Variants in VCAN observed in about 807,000 individuals in gnomAD.
VCAN encodes versican, also known as versican core protein.
VCAN carries 44 observed loss-of-function variants against 245.5 expected under a neutral mutation model. The observed-to-expected ratio is 0.18, with a 90% CI of 0.14 to 0.23. The LOEUF (loss-of-function observed/expected upper bound fraction) is 0.23, where lower values mean the gene tolerates loss of function less well. Among genes scored for constraint, VCAN ranks in the 10% least tolerant of loss-of-function variants. The pLI, the probability that VCAN is intolerant of heterozygous loss-of-function variation, is 1.00. For synonymous variants in VCAN, 1,413 were observed against 1,437.0 expected, an observed-to-expected ratio of 0.98 and a Z score of 0.38; for missense variants, 3,793 against 4,057.9, an observed-to-expected ratio of 0.93 and a Z score of 1.77.
rs1303871160 is a variant in VCAN at position 83,581,841 on chromosome 5, A to G, written c.*1407A>G. The stretch of plus-strand genomic sequence containing the variant: ...CTTATCCACTTAATTTAATGTTTAA[A>G]GAAAAACCTGTAATGGAAAGTAAGA... On this transcript the variant is annotated 3_prime_UTR_variant, in exon 15 of 15. Coordinates refer to ENST00000265077, the MANE Select transcript of VCAN (RefSeq NM_004385.5). 2 of 152,174 alleles carry G rather than the reference A, an allele frequency of 1.3e-5. No individual in the cohort carries two copies. The highest frequency in any genetic ancestry group is 4.8e-5 in the African/African-American group (2 of 41,448). The allele number at this position is 152,174 out of a possible 1,614,324, so 9.4% of individuals were successfully genotyped here. A position where few individuals can be genotyped will look rare whatever the true frequency, so the allele number is the denominator to read the frequency against.
chr5:83,548,770 A>G (rs187008869), intron 10 of VCAN, among the ~76,000 whole-genome samples: 2 of 152,318 alleles, frequency 1.3e-5, no homozygotes, highest in Non-Finnish European at 2.9e-5. Flanking sequence ...GATTTCCTCT[A>G]CTTAAACTCG....
At position 83,580,651 on chromosome 5, in the gene VCAN, A is replaced by G; in HGVS notation, c.*217A>G. The stretch of plus-strand genomic sequence containing the variant: ...TGAAAGAAAATGAGAGCAGAAAGTA[A>G]GCATTTCCAGCCTATCTAATTTCTT... On this transcript the variant is annotated 3_prime_UTR_variant, in exon 15 of 15. Coordinates refer to ENST00000265077, the MANE Select transcript of VCAN (RefSeq NM_004385.5). 2 of 633,440 alleles carry G rather than the reference A, an allele frequency of 3.2e-6. No homozygotes were observed. Among genetic ancestry groups the G allele is most frequent in the South Asian group, 3.7e-5 (2 of 53,886 alleles). The allele number at this position is 633,440 out of a possible 1,614,324, so 39.2% of individuals were successfully genotyped here.
intron 5 of VCAN, among the ~76,000 whole-genome samples, chr5:83,510,860 A>G (rs561009475): frequency 1.3e-3 from 192 of 152,274 alleles, no homozygotes; most frequent in African/African-American, 4.6e-3. Context: ...CTCTTTAACC[A>G]ATCTCACCAC....
chr5:83,472,352 G>C (rs968054291), intron 1 of VCAN, among the ~76,000 whole-genome samples: 1 of 152,178 alleles, frequency 6.6e-6, no homozygotes, highest in African/African-American at 2.4e-5. Context: ...GTGGGTTCTT[G>C]AGCTGGAGAG....
chr5:83,547,823 A>G, intron 9 of VCAN, 148 bp from the exon 10 acceptor site: 1 of 708,104 alleles, frequency 1.4e-6, no homozygotes, highest in South Asian at 1.6e-5. Flanking sequence ...TGGCACGGAC[A>G]TACTTATGCT....
In VCAN at chr5:83,519,357, G is replaced by A; in HGVS notation, c.1051G>A (p.Ala351Thr). The A allele has an allele frequency of 1.9e-6, 3 of 1,613,874 alleles. No individual in the cohort carries two copies. Among genetic ancestry groups the A allele is most frequent in the Non-Finnish European group, 2.5e-6 (3 of 1,179,854 alleles). ...TGAAATTATTTTTCTAGCTAAAGAGGCTACAACCATCGATTTGAGTATCCT... is the reference window on the plus strand; with the variant it reads ...TGAAATTATTTTTCTAGCTAAAGAGACTACAACCATCGATTTGAGTATCCT... Reference protein sequence around the residue: ...FDAYCFKPKEATTIDLSILAE... With the variant: ...FDAYCFKPKETTTIDLSILAE... The change falls in exon 7 of 15, where the codon GCT (alanine) becomes ACT (threonine). Residue 351 changes from alanine to threonine, a missense_variant. This residue lies in a region of VCAN where 190 missense variants were observed against 288.6 expected (regional missense o/e 0.66). Transcript: ENST00000265077.
In VCAN at chr5:83,538,463, G is replaced by T; in HGVS notation, c.5460G>T (p.Gly1820=). The T allele has an allele frequency of 6.2e-7, 1 of 1,613,966 alleles. No homozygotes were observed. The highest frequency in any genetic ancestry group is 8.5e-7 in the Non-Finnish European group (1 of 1,179,946). ...TCCATCAACCTGGGGTTCAGGAAGG[G>T]CTGACCACTCTCCCACGTAGTCCTG... ...SSIHQPGVQE[G]LTTLPRSPAS... Residue 1820 remains glycine (G), a synonymous_variant, in exon 8 of 15, where the codon GGG becomes GGT. Coordinates refer to ENST00000265077, the MANE Select transcript of VCAN (RefSeq NM_004385.5).
Position 83,539,969 on chromosome 5 carries a change from A to T in VCAN, c.6966A>T (p.Glu2322Asp). 6.2e-7 allele frequency: 1 copy of T among 1,614,132 alleles called. No homozygotes were observed. ...GPLVSQTDIF[E>D]GSGSVTSTTL... Reference sequence around the variant, plus strand: ...TCGTATCTCAAACAGACATCTTTGAAGGTAGTGGGTCAGTAACCAGCACAA... The same window carrying T: ...TCGTATCTCAAACAGACATCTTTGATGGTAGTGGGTCAGTAACCAGCACAA... The change falls in exon 8 of 15, where the codon GAA becomes GAT. Residue 2322 changes from glutamate to aspartate, a missense_variant. Glu to Asp is a conservative substitution (Grantham distance 45). This residue lies in a region of VCAN where 3,182 missense variants were observed against 3,250.3 expected (regional missense o/e 0.98). Transcript: ENST00000265077.
At position 83,572,571 on chromosome 5, in the gene VCAN, C is replaced by A. The variant is rs373723999; in HGVS notation, c.9880+11C>A. ...GCAAGAAAGGAACAGGTAATGATCA[C>A]CCTGTTAATAATGTGTACTTAATCT... On this transcript the variant is annotated intron_variant, in intron 13 of 14. Coordinates refer to ENST00000265077, the MANE Select transcript of VCAN (RefSeq NM_004385.5). 4.2e-5 allele frequency: 67 copies of A among 1,613,194 alleles called. No individual in the cohort carries two copies. Among genetic ancestry groups the A allele is most frequent in the Non-Finnish European group, 2.5e-5 (29 of 1,179,446 alleles).
chr5:83,531,306 G>A (rs767367226), intron 7 of VCAN: 2 of 152,074 alleles, frequency 1.3e-5, no homozygotes, highest in African/African-American at 2.4e-5. Flanking sequence ...GTGGCTTTTA[G>A]TGATTTTATC....
At chr5:83,512,072 TTG>T in intron 5 of VCAN, 29 bp from the exon 6 acceptor site, 1 of 1,613,240 alleles carries the variant, frequency 6.2e-7, no homozygotes, top group Non-Finnish European at 8.5e-7. Context: ...TAATAAAACT[TTG>T]GGCTTTTTTT....
intron 12 of VCAN, among the ~76,000 whole-genome samples, chr5:83,568,930 A>G (rs951205671): frequency 1.3e-5 from 2 of 152,116 alleles, no homozygotes; most frequent in Non-Finnish European, 2.9e-5. Context: ...ACATACATCC[A>G]TACACCCAGC....
chr5:83,477,323 A>C (rs563010496), intron 1 of VCAN, among the ~76,000 whole-genome samples: 22 of 152,312 alleles, frequency 1.4e-4, no homozygotes, highest in Admixed American at 9.8e-4. Flanking sequence ...ATATTGTTTT[A>C]AAAATTGTTT....
chr5:83,548,661 G>A (rs1747332899), intron 10 of VCAN, among the ~76,000 whole-genome samples: 2 of 152,132 alleles, frequency 1.3e-5, no homozygotes, highest in Non-Finnish European at 2.9e-5. Context: ...GCATTTTACG[G>A]CCAACCTGAG....
intron 2 of VCAN, among the ~76,000 whole-genome samples, chr5:83,485,404 CAA>C (rs35054904): frequency 1.2e-3 from 125 of 104,320 alleles, no homozygotes; most frequent in Admixed American, 1.3e-3. Flanking sequence ...AACTCCATGT[CAA>C]AAAAAAAAAA....
chr5:83,498,359 T>C (rs1745224335), intron 5 of VCAN, among the ~76,000 whole-genome samples: 1 of 152,230 alleles, frequency 6.6e-6, no homozygotes, highest in African/African-American at 2.4e-5. Flanking sequence ...CATTTTTGTA[T>C]GCCCAATATG....
rs79332196 is a variant in VCAN at position 83,553,545 on chromosome 5, T to G, written c.9652+23T>G. 2.2e-3 allele frequency: 3,552 copies of G among 1,613,692 alleles called. 43 individuals are homozygous for G. In the African/African-American group the frequency reaches 0.026, roughly 12 times the overall value. The stretch of plus-strand genomic sequence containing the variant: ...ATCGTATGTACCAAATAGATACGAG[T>G]TTCCAGGAACTTCACTTCTCATCAC... On this transcript the variant is annotated intron_variant, in intron 11 of 14. Coordinates refer to ENST00000265077, the MANE Select transcript of VCAN (RefSeq NM_004385.5).
At chr5:83,555,661 A>G (rs570326074) in intron 12 of VCAN, among the ~76,000 whole-genome samples, 1 of 152,330 alleles carries the variant, frequency 6.6e-6, no homozygotes, top group East Asian at 1.9e-4. Context: ...CTAAACTCAA[A>G]TAAATCTAAT....
At position 83,520,924 on chromosome 5, in the gene VCAN, T is replaced by G. The variant is rs150395515; in HGVS notation, c.2618T>G (p.Ile873Arg). The G allele has an allele frequency of 4.7e-5, 76 of 1,614,004 alleles. No individual in the cohort carries two copies. Among genetic ancestry groups the G allele is most frequent in the Non-Finnish European group, 9.3e-6 (11 of 1,179,986 alleles). Residue 873 changes from isoleucine (I) to arginine (R), a missense_variant, in exon 7 of 15, where the codon ATA (isoleucine) becomes AGA (arginine). Transcript: ENST00000265077. ...TTAGAGGAGGTTACTGATGAAGACA[T>G]AGCAGCCCATGGAAAATTCACAATT... The part of the protein sequence containing the change: ...KQLEEVTDED[I>R]AAHGKFTIRF...
Sources: gnomAD v4.1 joint callset for allele counts (sites outside exome capture counted in the v4.1 genomes callset) on GRCh38, gnomAD v4.1.1 for gene constraint, gnomAD v4.1.1 regional missense constraint, MANE v1.5 for transcripts, NCBI Gene and HGNC (gene_info 2026-07-23, HGNC 2026-07-21) for gene names.